The following PHAF1 variants were observed in gnomAD, a reference collection of about 807,000 sequenced individuals.
PHAF1 encodes phagophore assembly factor 1.
In PHAF1, 23 loss-of-function variants were observed where a neutral mutation model predicts 63.1. The observed-to-expected ratio is 0.36, with a 90% CI of 0.26 to 0.52. The LOEUF is 0.52. Ranked by LOEUF, PHAF1 falls within the 20% of genes least tolerant of loss-of-function variation. The pLI, the probability that PHAF1 is intolerant of heterozygous loss-of-function variation, is 0.93. For synonymous variants in PHAF1, 167 were observed against 185.0 expected (o/e 0.90, Z 0.79); for missense variants, 427 against 517.2 (o/e 0.83, Z 1.69).
At chr16:67,137,475 C>A in intron 8 of PHAF1, among the ~76,000 whole-genome samples, 1 of 152,072 alleles carries the variant, frequency 6.6e-6, no homozygotes, top group East Asian at 1.9e-4. Flanking sequence ...TGTGCCACCA[C>A]GCCAGGCTAA....
chr16:67,147,188 G>A lies in PHAF1; in HGVS notation c.*57G>A. On this transcript the variant is annotated 3_prime_UTR_variant, in exon 16 of 16. Coordinates refer to ENST00000219139, the MANE Select transcript of PHAF1 (RefSeq NM_025187.5). ...GGAACTGTGCATCACATCCTGCTCA[G>A]TGGGCCTCTGTACCACCCTGTGGGT... The A allele has an allele frequency of 6.7e-7, 1 of 1,497,438 alleles. No homozygotes were observed. Among genetic ancestry groups the A allele is most frequent in the Admixed American group, 1.7e-5 (1 of 59,556 alleles). 92.8% of individuals were successfully genotyped at this position (1,497,438 alleles called of 1,614,324 possible).
At chr16:67,118,503 A>T (rs1962843922) in intron 1 of PHAF1, among the ~76,000 whole-genome samples, 1 of 149,882 alleles carries the variant, frequency 6.7e-6, no homozygotes, top group African/African-American at 2.5e-5. Flanking sequence ...TGCCTGGCTA[A>T]TTTTTGCATT....
chr16:67,144,433 C>T (rs548361710), intron 11 of PHAF1, 57 bp downstream of exon 11: 7 of 1,284,176 alleles, frequency 5.5e-6, no homozygotes, highest in Middle Eastern at 1.9e-4. Context: ...CTGAAAACCC[C>T]AGGAAAGAGC....
In PHAF1 at chr16:67,144,359, G is replaced by C. The variant is rs1197498982; in HGVS notation, c.945G>C (p.Gly315=). 6.2e-7 allele frequency: 1 copy of C among 1,609,030 alleles called. No individual in the cohort carries two copies. Among genetic ancestry groups the C allele is most frequent in the South Asian group, 1.1e-5 (1 of 90,944 alleles). The change falls in exon 11 of 16, where the codon GGG becomes GGC. Residue 315 remains glycine (G), a synonymous_variant. Coordinates refer to ENST00000219139, the MANE Select transcript of PHAF1 (RefSeq NM_025187.5). ...KKFVLHTNYP[G]HYNFNIYHRC... is the part of the protein sequence containing the mutation. ...TTGTTCTACACACCAATTACCCTGGGCATTATAATTTCAACATGTGAGTAC... is the reference window on the plus strand; with the variant it reads ...TTGTTCTACACACCAATTACCCTGGCCATTATAATTTCAACATGTGAGTAC...
intron 11 of PHAF1, 62 bp from the exon 12 acceptor site, chr16:67,144,772 G>A: frequency 6.4e-7 from 1 of 1,555,786 alleles, no homozygotes; most frequent in South Asian, 1.1e-5. Context: ...TGTGGGGTTG[G>A]AATATGGGAG....
At chr16:67,145,114 C>G (rs1299905580) in intron 12 of PHAF1, among the ~76,000 whole-genome samples, 2 of 152,050 alleles carry the variant, frequency 1.3e-5, no homozygotes, top group Non-Finnish European at 2.9e-5. Flanking sequence ...GGGAGAGTTT[C>G]TTATCTACAG....
At chr16:67,112,261 G>A (rs1052860366) in intron 1 of PHAF1, among the ~76,000 whole-genome samples, 1 of 151,492 alleles carries the variant, frequency 6.6e-6, no homozygotes, top group African/African-American at 2.4e-5. Flanking sequence ...GCAGTGGTAG[G>A]GACTGGGTGC....
At chr16:67,126,734 G>A (rs1340156350) in intron 3 of PHAF1, among the ~76,000 whole-genome samples, 1 of 151,422 alleles carries the variant, frequency 6.6e-6, no homozygotes, top group African/African-American at 2.4e-5. Context: ...GACTACAGGT[G>A]CACGCCACCA....
At chr16:67,127,410 G>C (rs1262639218) in intron 3 of PHAF1, among the ~76,000 whole-genome samples, 1 of 152,202 alleles carries the variant, frequency 6.6e-6, no homozygotes, top group Non-Finnish European at 1.5e-5. Context: ...AAGAGAATCA[G>C]TATGTGGAAT....
rs759144652 is a variant in PHAF1 at position 67,134,322 on chromosome 16, C to T, written c.549-33C>T. 3.1e-6 allele frequency: 5 copies of T among 1,608,310 alleles called. No individual in the cohort carries two copies. The South Asian group carries it at 4.4e-5, about 14-fold the overall frequency. On this transcript the variant is annotated intron_variant, in intron 7 of 15. Transcript: ENST00000219139. The stretch of plus-strand genomic sequence containing the variant: ...GGCCTGGGCTGCCTGGGAGAAAGAA[C>T]CAAGCCTCTGCTCATTCTGTGTCTG...
At chr16:67,145,069 TC>T (rs2029923983) in intron 12 of PHAF1, among the ~76,000 whole-genome samples, 192 bp downstream of exon 12, 2 of 152,278 alleles carry the variant, frequency 1.3e-5, no homozygotes, top group Admixed American at 1.3e-4. Flanking sequence ...CCTTGAGGCC[TC>T]TTCCTATGAC....
At chr16:67,139,803 T>C in intron 8 of PHAF1, 181 bp from the exon 9 acceptor site, 1 of 636,740 alleles carries the variant, frequency 1.6e-6, no homozygotes, top group Non-Finnish European at 2.7e-6. Flanking sequence ...TGGCATTATT[T>C]TGAATAGCGA....
intron 8 of PHAF1, among the ~76,000 whole-genome samples, chr16:67,139,304 G>T (rs1251510719): frequency 6.8e-6 from 1 of 147,782 alleles, no homozygotes; most frequent in African/African-American, 2.5e-5. Context: ...GCACACATAA[G>T]CTCCAGTGAT....
At chr16:67,130,345 C>CT (rs1199636850) in intron 3 of PHAF1, among the ~76,000 whole-genome samples, 1 of 116,270 alleles carries the variant, frequency 8.6e-6, no homozygotes, top group African/African-American at 4.6e-5. Flanking sequence ...CCGTGCCCGG[C>CT]CTTTTTTTTT....
In PHAF1 at chr16:67,147,991, G is replaced by T. The variant is rs780792359; in HGVS notation, c.*860G>T. 3 of 152,716 alleles carry T rather than the reference G, an allele frequency of 2.0e-5. No homozygotes were observed. Among genetic ancestry groups the T allele is most frequent in the Non-Finnish European group, 4.4e-5 (3 of 68,062 alleles). 9.5% of individuals were successfully genotyped at this position (152,716 alleles called of 1,614,324 possible). A position where few individuals can be genotyped will look rare whatever the true frequency, so the allele number is the denominator to read the frequency against. On this transcript the variant is annotated 3_prime_UTR_variant, in exon 16 of 16. Transcript: ENST00000219139. Reference sequence around the variant, plus strand: ...ATTTCATGGCTCAAAGCCTCTGGGGGCTCAAGGAAGGCTGGGCTGCTCAGT... The same window carrying T: ...ATTTCATGGCTCAAAGCCTCTGGGGTCTCAAGGAAGGCTGGGCTGCTCAGT...
intron 2 of PHAF1, among the ~76,000 whole-genome samples, chr16:67,120,603 G>A (rs947205997): frequency 2.0e-5 from 3 of 150,086 alleles, no homozygotes; most frequent in African/African-American, 7.4e-5. Context: ...TAGCTAGCAC[G>A]GCATACCAGA....
At chr16:67,117,199 A>ATTTTTTTTTTTTTTTTTTTTTT (rs750308105) in intron 1 of PHAF1, among the ~76,000 whole-genome samples, 4 of 111,950 alleles carry the variant, frequency 3.6e-5, no homozygotes, top group African/African-American at 1.6e-4. Flanking sequence ...TGCCCAGCTA[A>ATTTTTTTTTTTTTTTTTTTTTT]TTTTTTTTTT....
intron 6 of PHAF1, 33 bp from the exon 7 acceptor site, chr16:67,134,135 G>T (rs1963522370): frequency 1.3e-6 from 2 of 1,556,092 alleles, no homozygotes; most frequent in Admixed American, 1.7e-5. Context: ...CACCTGTTGT[G>T]CCCTAAGTAA....
intron 2 of PHAF1, among the ~76,000 whole-genome samples, chr16:67,125,696 T>C (rs973804351): frequency 1.3e-5 from 2 of 152,190 alleles, no homozygotes; most frequent in African/African-American, 2.4e-5. Context: ...TTGTCCCTTT[T>C]CCCCAGGTAT....
Sources: gnomAD v4.1 joint callset for allele counts (sites outside exome capture counted in the v4.1 genomes callset) on GRCh38, gnomAD v4.1.1 for gene constraint, MANE v1.5 for transcripts, NCBI Gene and HGNC (gene_info 2026-07-23, HGNC 2026-07-21) for gene names.